Variants in PCTP observed in about 807,000 individuals in gnomAD.
PCTP encodes the protein phosphatidylcholine transfer protein, also known as START domain-containing protein 2.
PCTP carries 27 observed loss-of-function variants against 31.0 expected under a neutral mutation model. That is an observed-to-expected ratio of 0.87 (90% CI 0.64 to 1.20). PCTP has a LOEUF of 1.20. Ranked by LOEUF, PCTP falls within the 50% of genes most tolerant of loss-of-function variation. PCTP has a pLI of 0.00. For missense variants in PCTP, 287 were observed against 268.2 expected, an observed-to-expected ratio of 1.07 and a Z score of -0.49; for synonymous variants, 108 against 101.2, an observed-to-expected ratio of 1.07 and a Z score of -0.40.
chr17:55,849,432 G>T, the PCTP span, among the ~76,000 whole-genome samples: 1 of 152,124 alleles, frequency 6.6e-6, no homozygotes, highest in East Asian at 1.9e-4. Flanking sequence ...AAACAAGTCT[G>T]GCCAACATGG....
rs759842710 is a variant in PCTP, at chr17:55,773,863, C to A, written c.479C>A (p.Ala160Glu). ...GTGAAGCAATACAAGCAGAGCCTGGCGATCGAGAGTGACGGCAAGAAGGGG... is the reference window on the plus strand; with the variant it reads ...GTGAAGCAATACAAGCAGAGCCTGGAGATCGAGAGTGACGGCAAGAAGGGG... ...IRVKQYKQSL[A>E]IESDGKKGSK... The change falls in exon 4 of 6, where the codon GCG becomes GAG. Residue 160 changes from alanine to glutamate, a missense_variant. Ala to Glu is a moderately radical substitution (Grantham distance 107). Coordinates refer to ENST00000268896, the MANE Select transcript of PCTP (RefSeq NM_021213.4). 6.2e-7 allele frequency: 1 copy of A among 1,611,038 alleles called. No homozygotes were observed. Among genetic ancestry groups the A allele is most frequent in the South Asian group, 1.1e-5 (1 of 90,838 alleles).
At chr17:55,838,455 A>G (rs1014611413) in intron 5 of PCTP, among the ~76,000 whole-genome samples, 1 of 152,216 alleles carries the variant, frequency 6.6e-6, no homozygotes, top group African/African-American at 2.4e-5. Flanking sequence ...TGACCAGGTC[A>G]AATTCTCCTA....
At position 55,751,182 on chromosome 17, in the gene PCTP, G is replaced by C. The variant is rs1310848798; in HGVS notation, c.79G>C (p.Gly27Arg). Reference sequence around the variant, plus strand: ...CGAGCTCCAGCAGCCCGCTCTGGCCGGGGCCGACTGGCAGCTCCTAGTGGA... The same window carrying C: ...CGAGCTCCAGCAGCCCGCTCTGGCCCGGGCCGACTGGCAGCTCCTAGTGGA... ...CAELQQPALA[G>R]ADWQLLVETS... Residue 27 changes from glycine (G) to arginine (R), a missense_variant, in exon 1 of 6, where the codon GGG becomes CGG. By Grantham distance (125) the Gly-to-Arg change is moderately radical. Transcript: ENST00000268896. The C allele has an allele frequency of 1.3e-6, 2 of 1,548,522 alleles. No homozygotes were observed. The highest frequency in any genetic ancestry group is 1.7e-6 in the Non-Finnish European group (2 of 1,146,196).
intron 2 of PCTP, 86 bp downstream of exon 2, chr17:55,767,538 C>A: frequency 1.1e-6 from 1 of 880,138 alleles, no homozygotes; most frequent in Non-Finnish European, 1.8e-6. Flanking sequence ...GATCTCAGCT[C>A]ACCGCAATCT....
At chr17:55,804,695 A>C (rs763759859) in intron 3 of PCTP, among the ~76,000 whole-genome samples, 62 of 152,266 alleles carry the variant, frequency 4.1e-4, no homozygotes, top group Non-Finnish European at 6.9e-4. Context: ...GAGGAACGTC[A>C]CACACTGGAG....
intron 1 of PCTP, chr17:55,751,613 T>TGGGGGGGG: frequency 2.6e-6 from 1 of 389,468 alleles, no homozygotes; most frequent in Non-Finnish European, 4.1e-6. Context: ...ATATGGGGGC[T>TGGGGGGGG]GGGGTGGGGG....
At chr17:55,764,957 A>T (rs1009277733) in intron 1 of PCTP, among the ~76,000 whole-genome samples, 8 of 152,210 alleles carry the variant, frequency 5.3e-5, no homozygotes, top group Admixed American at 3.9e-4. Flanking sequence ...GGAATTGTAA[A>T]TTGCCACCGT....
chr17:55,811,003 A>T (rs1487087550), intron 3 of PCTP, among the ~76,000 whole-genome samples: 2 of 152,202 alleles, frequency 1.3e-5, no homozygotes, highest in African/African-American at 4.8e-5. Context: ...GGGAGGCCGG[A>T]TAGTTGTTCC....
Position 55,776,524 on chromosome 17 carries a change from C to G in PCTP, c.*424C>G, listed in dbSNP as rs1403394709. On this transcript the variant is annotated 3_prime_UTR_variant, in exon 6 of 6. Transcript: ENST00000268896. ...GAATGACTATTTGGGCGGGCTGGCT[C>G]TTTTGCAGCTTGTGATTTCTTCCAG... The G allele has an allele frequency of 8.1e-7, 1 of 1,232,092 alleles. No homozygotes were observed. Among genetic ancestry groups the G allele is most frequent in the Non-Finnish European group, 1.0e-6 (1 of 988,280 alleles). The allele number at this position is 1,232,092 out of a possible 1,614,324, so 76.3% of individuals were successfully genotyped here.
chr17:55,758,526 T>G (rs1322785485), intron 1 of PCTP, among the ~76,000 whole-genome samples: 1 of 152,210 alleles, frequency 6.6e-6, no homozygotes, highest in East Asian at 1.9e-4. Context: ...TGAGCCCCAT[T>G]ACTTCAGGAT....
chr17:55,828,226 C>T (rs1905470461), intron 5 of PCTP, among the ~76,000 whole-genome samples: 1 of 152,194 alleles, frequency 6.6e-6, no homozygotes, highest in East Asian at 1.9e-4. Context: ...CCTCCTAGGG[C>T]TGCTGTAACA....
chr17:55,760,313 A>C (rs1028896154), intron 1 of PCTP, among the ~76,000 whole-genome samples: 4 of 152,238 alleles, frequency 2.6e-5, no homozygotes, highest in Non-Finnish European at 4.4e-5. Context: ...AAAGGAGATT[A>C]TCGTACCTAC....
At position 55,776,665 on chromosome 17, in the gene PCTP, G is replaced by A; in HGVS notation, c.*565G>A. 4 of 1,226,870 alleles carry A rather than the reference G, an allele frequency of 3.3e-6. No homozygotes were observed. Among genetic ancestry groups the A allele is most frequent in the Non-Finnish European group, 4.1e-6 (4 of 985,376 alleles). 76.0% of individuals were successfully genotyped at this position (1,226,870 alleles called of 1,614,324 possible). On this transcript the variant is annotated 3_prime_UTR_variant, in exon 6 of 6. Coordinates refer to ENST00000268896, the MANE Select transcript of PCTP (RefSeq NM_021213.4). ...TGCTTTGTGGAGCTGATTAGGCTGG[G>A]ATTTGAGGTGATAATCCAGTAAGTC...
intron 5 of PCTP, among the ~76,000 whole-genome samples, chr17:55,833,590 C>T (rs1905677004): frequency 6.6e-6 from 1 of 152,170 alleles, no homozygotes; most frequent in South Asian, 2.1e-4. Flanking sequence ...CATCAAATCA[C>T]CCTGGGAATT....
At chr17:55,751,863 C>G (rs773971818) in intron 1 of PCTP, among the ~76,000 whole-genome samples, 4 of 152,180 alleles carry the variant, frequency 2.6e-5, no homozygotes, top group Non-Finnish European at 5.9e-5. Flanking sequence ...AATCAGGTAG[C>G]CATCCAGGTG....
intron 5 of PCTP, among the ~76,000 whole-genome samples, chr17:55,838,673 T>A (rs1490168684): frequency 6.6e-6 from 1 of 152,238 alleles, no homozygotes; most frequent in East Asian, 1.9e-4. Flanking sequence ...TATCAAATGA[T>A]GCTTTTTATT....
chr17:55,781,935 G>A (rs974672727), downstream of PCTP, among the ~76,000 whole-genome samples: 1 of 150,530 alleles, frequency 6.6e-6, no homozygotes, highest in East Asian at 1.9e-4. Context: ...GTGTGTGTGT[G>A]TACATGTATG....
chr17:55,783,269 C>T lies in PCTP; in HGVS notation c.229-4297C>T, dbSNP rs11656136. On this transcript the variant is annotated intron_variant, in intron 2 of 3. Coordinates refer to the PCTP transcript ENST00000572536. The stretch of plus-strand genomic sequence containing the variant: ...CATACTAGCCCCGTAAAAGTCTACT[C>T]AACAGAATGATATTACTGATGTAAC... Among the ~76,000 whole-genome samples, 372 of 152,168 alleles carry T rather than the reference C, an allele frequency of 2.4e-3. 3 individuals carry two copies. The Middle Eastern group carries it at 0.034, about 14-fold the overall frequency.
At chr17:55,823,924 G>C (rs1185954551), downstream of PCTP, among the ~76,000 whole-genome samples, 1 of 152,174 alleles carries the variant, frequency 6.6e-6, no homozygotes, top group Non-Finnish European at 1.5e-5. Flanking sequence ...CCCTATTGCA[G>C]ACTGGTTTCA....
Sources: allele counts gnomAD v4.1 joint callset (sites outside exome capture counted in the v4.1 genomes callset), GRCh38; gene constraint gnomAD v4.1.1; transcripts MANE v1.5; gene names NCBI Gene and HGNC (gene_info 2026-07-23, HGNC 2026-07-21).